Variants in FAM135B observed in about 807,000 individuals in gnomAD.
FAM135B encodes protein FAM135B.
FAM135B carries 43 observed loss-of-function variants against 127.7 expected under a neutral mutation model. The observed-to-expected ratio is 0.34, with a 90% CI of 0.26 to 0.43. The LOEUF (loss-of-function observed/expected upper bound fraction) is 0.43, where lower values mean the gene tolerates loss of function less well. Ranked by LOEUF, FAM135B falls within the 20% of genes least tolerant of loss-of-function variation. The probability of loss-of-function intolerance (pLI) is 1.00; values close to 1 mark genes in which losing one functional copy is unlikely to be tolerated. For missense variants in FAM135B, 1,558 were observed against 1,725.6 expected (o/e 0.90, Z 1.72); for synonymous variants, 670 against 665.1 (o/e 1.01, Z -0.11).
At chr8:138,433,071 G>A (rs1394645596) in intron 1 of FAM135B, among the ~76,000 whole-genome samples, 1 of 152,042 alleles carries the variant, frequency 6.6e-6, no homozygotes, top group East Asian at 1.9e-4. Flanking sequence ...AAAGGGTAGA[G>A]GACACATGTG....
intron 7 of FAM135B, among the ~76,000 whole-genome samples, chr8:138,236,570 G>C (rs1294420704): frequency 6.6e-6 from 1 of 152,168 alleles, no homozygotes; most frequent in Admixed American, 6.5e-5. Flanking sequence ...TAAAACTCCA[G>C]CTTGGTCCCT....
chr8:138,375,209 C>T (rs114123691), intron 1 of FAM135B, among the ~76,000 whole-genome samples: 2,199 of 151,758 alleles, frequency 0.014, 53 homozygotes, highest in African/African-American at 0.05. Flanking sequence ...TTTGTGTGGC[C>T]GAAAGAGGAC....
At chr8:138,360,985 G>C (rs557710261) in intron 2 of FAM135B, among the ~76,000 whole-genome samples, 1 of 151,174 alleles carries the variant, frequency 6.6e-6, no homozygotes, top group African/African-American at 2.4e-5. Flanking sequence ...GAGTGCAGTG[G>C]CACAATCTCA....
chr8:138,274,179 C>G (rs773177325), intron 3 of FAM135B, among the ~76,000 whole-genome samples: 5 of 152,170 alleles, frequency 3.3e-5, no homozygotes, highest in Non-Finnish European at 7.3e-5. Flanking sequence ...TATCGGGGAA[C>G]CTGCCCCGAT....
In FAM135B at chr8:138,465,293, C is replaced by T. The variant is rs1294279291; in HGVS notation, c.-20+31378G>A. On this transcript the variant is annotated intron_variant, in intron 1 of 19. Transcript: ENST00000395297. The stretch of plus-strand genomic sequence containing the variant: ...TTTCCTAGTAGATGCTTATGAAGTG[C>T]CCACTCTACACCTGGCCCTACACTC... Among the ~76,000 whole-genome samples, 8 of 152,112 alleles carry T rather than the reference C, an allele frequency of 5.3e-5. No individual in the cohort carries two copies. The East Asian group carries it at 9.6e-4, about 18-fold the overall frequency.
chr8:138,299,011 GA>G (rs1186140556), intron 3 of FAM135B, among the ~76,000 whole-genome samples: 6 of 151,150 alleles, frequency 4.0e-5, no homozygotes, highest in African/African-American at 1.5e-4. Flanking sequence ...AATGAGCCGA[GA>G]TCGCGCCACC....
rs149494487 is a variant in FAM135B at position 138,472,748 on chromosome 8, C to T, written c.-20+23923G>A. On this transcript the variant is annotated intron_variant, in intron 1 of 19. Coordinates refer to ENST00000395297, the MANE Select transcript of FAM135B (RefSeq NM_015912.4). ...TTCCACAACGTGCATATTGTTTCCA[C>T]TGGCAGCCTGACAGCCTCAGCGAGG... is the stretch of plus-strand genomic sequence containing the variant. Among the ~76,000 whole-genome samples, 7 of 152,278 alleles carry T rather than the reference C, an allele frequency of 4.6e-5. No homozygotes were observed. In the East Asian group the frequency reaches 1.4e-3, roughly 29 times the overall value.
At chr8:138,133,258 T>G (rs551721557) in intron 19 of FAM135B, among the ~76,000 whole-genome samples, 1 of 152,246 alleles carries the variant, frequency 6.6e-6, no homozygotes, top group Non-Finnish European at 1.5e-5. Flanking sequence ...ACCCGACTCC[T>G]CTGATTCCAA....
chr8:138,178,118 T>A (rs1195830866), intron 10 of FAM135B, among the ~76,000 whole-genome samples: 1 of 151,776 alleles, frequency 6.6e-6, no homozygotes, highest in Non-Finnish European at 1.5e-5. Context: ...TGTGGTGGTG[T>A]GAGCCTGTAA....
intron 3 of FAM135B, among the ~76,000 whole-genome samples, chr8:138,300,119 T>A (rs1384583607): frequency 6.6e-6 from 1 of 152,050 alleles, no homozygotes; most frequent in Non-Finnish European, 1.5e-5. Flanking sequence ...AGGCACTATT[T>A]TTTAAAGGGC....
intron 1 of FAM135B, among the ~76,000 whole-genome samples, chr8:138,488,028 C>T (rs1815053170): frequency 6.6e-6 from 1 of 151,750 alleles, no homozygotes; most frequent in Admixed American, 6.6e-5. Context: ...AAAAAGACGC[C>T]TGTCAGTGTC....
At chr8:138,425,845 G>A (rs1455475379) in intron 1 of FAM135B, among the ~76,000 whole-genome samples, 8 of 151,516 alleles carry the variant, frequency 5.3e-5, no homozygotes, top group African/African-American at 1.9e-4. Context: ...CACAGGAACT[G>A]GAGAATATAA....
At chr8:138,180,842 T>G (rs1814952336) in intron 9 of FAM135B, among the ~76,000 whole-genome samples, 1 of 152,210 alleles carries the variant, frequency 6.6e-6, no homozygotes. Context: ...CTGCATTTTC[T>G]TCTGATGGAA....
intron 7 of FAM135B, among the ~76,000 whole-genome samples, chr8:138,198,051 C>T (rs1449491062): frequency 6.6e-6 from 1 of 152,206 alleles, no homozygotes; most frequent in East Asian, 1.9e-4. Flanking sequence ...CTCTGTGTTC[C>T]CACCCAAGTC....
At chr8:138,210,336 T>C (rs1002482134) in intron 7 of FAM135B, among the ~76,000 whole-genome samples, 3 of 152,194 alleles carry the variant, frequency 2.0e-5, no homozygotes, top group Non-Finnish European at 4.4e-5. Context: ...TAAGATCTCT[T>C]GTATGAATTT....
intron 1 of FAM135B, among the ~76,000 whole-genome samples, chr8:138,403,919 G>A (rs1833300104): frequency 6.6e-6 from 1 of 152,182 alleles, no homozygotes; most frequent in African/African-American, 2.4e-5. Flanking sequence ...AGCATTTAGT[G>A]TGTAGAAGAC....
chr8:138,167,959 G>A lies in FAM135B; in HGVS notation c.1194C>T (p.Ile398=), dbSNP rs764664874. 6 of 1,613,940 alleles carry A rather than the reference G, an allele frequency of 3.7e-6. No individual in the cohort carries two copies. The highest frequency in any genetic ancestry group is 2.2e-5 in the South Asian group (2 of 91,040). Residue 398 remains isoleucine (I), a synonymous_variant, in exon 12 of 20, where the codon ATC becomes ATT. Coordinates refer to ENST00000395297, the MANE Select transcript of FAM135B (RefSeq NM_015912.4). ...CCGGCAGGGTGTTCCAATCGCCGTCGATGTCCAGGCACTCTGCAGGCAGCG... is the reference window on the plus strand; with the variant it reads ...CCGGCAGGGTGTTCCAATCGCCGTCAATGTCCAGGCACTCTGCAGGCAGCG... ...MPPLPAECLD[I]DGDWNTLPVI... is the part of the protein sequence containing the mutation.
At chr8:138,420,840 C>T (rs1230794041) in intron 1 of FAM135B, among the ~76,000 whole-genome samples, 5 of 152,134 alleles carry the variant, frequency 3.3e-5, no homozygotes, top group African/African-American at 1.2e-4. Flanking sequence ...AAGGAGCATA[C>T]CTCAAAATAA....
intron 7 of FAM135B, among the ~76,000 whole-genome samples, chr8:138,238,233 T>A (rs1820453672): frequency 6.6e-6 from 1 of 152,134 alleles, no homozygotes. Context: ...AAAAATAATA[T>A]CAGCAGGAGG....
Sources: gnomAD v4.1 joint callset for allele counts (sites outside exome capture counted in the v4.1 genomes callset) on GRCh38, gnomAD v4.1.1 for gene constraint, MANE v1.5 for transcripts, NCBI Gene and HGNC (gene_info 2026-07-23, HGNC 2026-07-21) for gene names.